AKAP13: variants seen among roughly 807,000 people sequenced by gnomAD.
The protein encoded by AKAP13 is A-kinase anchoring protein 13.
Under a neutral mutation model 264.5 loss-of-function variants are expected in AKAP13, and 80 were observed. The ratio of observed to expected loss-of-function variants is 0.30; its 90% CI spans 0.25 to 0.36. AKAP13 has a LOEUF of 0.36. Ranked by LOEUF, AKAP13 falls within the 10% of genes least tolerant of loss-of-function variation. The probability of loss-of-function intolerance (pLI) is 1.00; values close to 1 mark genes in which losing one functional copy is unlikely to be tolerated. For synonymous variants in AKAP13, 1,380 were observed against 1,250.2 expected (o/e 1.10, Z -2.19); for missense variants, 3,712 against 3,435.2 (o/e 1.08, Z -2.01).
At chr15:85,571,393 A>G (rs954420106) in intron 5 of AKAP13, among the ~76,000 whole-genome samples, 3 of 152,160 alleles carry the variant, frequency 2.0e-5, no homozygotes, top group Admixed American at 6.5e-5. Flanking sequence ...TAATTTACCA[A>G]TCAGCGCTTC....
At chr15:85,650,777 A>AAAAAAAC (rs2082783462) in intron 10 of AKAP13, among the ~76,000 whole-genome samples, 1 of 143,552 alleles carries the variant, frequency 7.0e-6, no homozygotes, top group Non-Finnish European at 1.5e-5. Context: ...AAAAAAAAAA[A>AAAAAAAC]AAAAAAAAAA....
At chr15:85,649,867 C>T (rs984835399) in intron 10 of AKAP13, among the ~76,000 whole-genome samples, 9 of 152,182 alleles carry the variant, frequency 5.9e-5, no homozygotes, top group Non-Finnish European at 4.4e-5. Flanking sequence ...GGCCACTCTA[C>T]TATCCAAAAG....
chr15:85,619,273 G>C (rs1378012970), intron 8 of AKAP13: 1 of 706,268 alleles, frequency 1.4e-6, no homozygotes, highest in Non-Finnish European at 1.7e-6. Flanking sequence ...CCAAGGCTGC[G>C]GGTGCGGAGC....
chr15:85,742,378 T>C (rs1445952289), intron 35 of AKAP13, among the ~76,000 whole-genome samples: 2 of 152,194 alleles, frequency 1.3e-5, no homozygotes, highest in Non-Finnish European at 2.9e-5. Context: ...GAACATGTGG[T>C]GCCTGTGGTC....
chr15:85,567,640 C>G (rs887491888), intron 5 of AKAP13, among the ~76,000 whole-genome samples: 1 of 152,170 alleles, frequency 6.6e-6, no homozygotes, highest in Non-Finnish European at 1.5e-5. Context: ...TCCATTCCCA[C>G]ATTCCTCTTC....
chr15:85,588,134 C>T (rs1205271427), intron 8 of AKAP13, among the ~76,000 whole-genome samples: 2 of 152,142 alleles, frequency 1.3e-5, no homozygotes, highest in Non-Finnish European at 1.5e-5. Context: ...CTTCAGAGGA[C>T]TAAGTGGTAT....
At chr15:85,568,008 C>T (rs1301080460) in intron 5 of AKAP13, among the ~76,000 whole-genome samples, 7 of 150,450 alleles carry the variant, frequency 4.7e-5, no homozygotes, top group Middle Eastern at 6.9e-3. Context: ...AGAGACCAGG[C>T]GCAGTGGCTC....
chr15:85,560,733 G>A (rs970785603), intron 5 of AKAP13, among the ~76,000 whole-genome samples: 2 of 152,046 alleles, frequency 1.3e-5, no homozygotes, highest in Non-Finnish European at 2.9e-5. Context: ...AAACTAGTGA[G>A]TGCTAGAGTG....
rs764901848 is a variant in AKAP13, at chr15:85,533,858, G to A, written c.456G>A (p.Leu152=). 6.2e-7 allele frequency: 1 copy of A among 1,604,938 alleles called. No individual in the cohort carries two copies. Among genetic ancestry groups the A allele is most frequent in the Non-Finnish European group, 8.5e-7 (1 of 1,175,046 alleles). Residue 152 remains leucine (L), a synonymous_variant, in exon 4 of 37, where the codon TTG becomes TTA. Transcript: ENST00000394518. ...AGCTGCCCACGGAGTGGAATGTATT[G>A]GGGACAGATCAGAGTTTGCATGGTG... ...HLKLPTEWNV[L]GTDQSLHDAG...
chr15:85,494,932 T>C (rs1406453952), intron 2 of AKAP13, among the ~76,000 whole-genome samples: 1 of 152,098 alleles, frequency 6.6e-6, no homozygotes, highest in Non-Finnish European at 1.5e-5. Context: ...ATTGTGCTCC[T>C]TTCTTGGTGG....
intron 2 of AKAP13, among the ~76,000 whole-genome samples, chr15:85,496,103 A>C (rs1171967467): frequency 1.3e-5 from 2 of 152,202 alleles, no homozygotes; most frequent in African/African-American, 2.4e-5. Flanking sequence ...ATGACAATAG[A>C]CATATAGGGT....
intron 15 of AKAP13, 38 bp downstream of exon 15, chr15:85,682,250 A>G (rs2084640655): frequency 5.0e-6 from 8 of 1,595,302 alleles, no homozygotes; most frequent in South Asian, 1.1e-5. Context: ...CAGAAATAAA[A>G]TGAAGAAAAT....
At position 85,736,070 on chromosome 15, in the gene AKAP13, G is replaced by T; in HGVS notation, c.7513-20G>T. The T allele has an allele frequency of 1.3e-6, 2 of 1,563,764 alleles. No individual in the cohort carries two copies. The highest frequency in any genetic ancestry group is 3.4e-5 in the Admixed American group (2 of 59,564). ...CATCAAGATCTTCATTTTTTTATATGTATGTTTTTTGTTTTATAGGGTGGA... is the reference window on the plus strand; with the variant it reads ...CATCAAGATCTTCATTTTTTTATATTTATGTTTTTTGTTTTATAGGGTGGA... On this transcript the variant is annotated intron_variant, in intron 32 of 36. Transcript: ENST00000394518.
chr15:85,381,625 G>T (rs1033429028), intron 1 of AKAP13: 1 of 146,928 alleles, frequency 6.8e-6, no homozygotes, highest in African/African-American at 2.5e-5. Context: ...GGGTAGATAG[G>T]TTTGTTTTGT....
intron 14 of AKAP13, among the ~76,000 whole-genome samples, chr15:85,677,578 C>G (rs1326970114): frequency 1.3e-5 from 2 of 151,176 alleles, no homozygotes; most frequent in Non-Finnish European, 1.5e-5. Flanking sequence ...TTAAAAATAC[C>G]TTTCCTTTAA....
At chr15:85,616,863 C>CT (rs1303466048) in intron 8 of AKAP13, among the ~76,000 whole-genome samples, 6 of 152,176 alleles carry the variant, frequency 3.9e-5, no homozygotes, top group Non-Finnish European at 7.3e-5. Flanking sequence ...AACACAGACT[C>CT]TTTTTTCCAC....
chr15:85,698,535 G>C (rs928632804), intron 17 of AKAP13, among the ~76,000 whole-genome samples: 3 of 151,544 alleles, frequency 2.0e-5, no homozygotes, highest in Admixed American at 2.0e-4. Context: ...TTCTGCAAAG[G>C]AACCAATGGT....
intron 10 of AKAP13, among the ~76,000 whole-genome samples, chr15:85,648,640 T>C (rs2082667602): frequency 6.6e-6 from 1 of 152,004 alleles, no homozygotes; most frequent in South Asian, 2.1e-4. Flanking sequence ...GAGTTTGAGA[T>C]CAGCCTGGGC....
At chr15:85,690,592 TA>T (rs1416092882) in intron 16 of AKAP13, among the ~76,000 whole-genome samples, 1 of 152,234 alleles carries the variant, frequency 6.6e-6, no homozygotes, top group East Asian at 1.9e-4. Flanking sequence ...AGATGTTCAT[TA>T]TATGTATTTG....
Sources: allele counts gnomAD v4.1 joint callset (sites outside exome capture counted in the v4.1 genomes callset), GRCh38; gene constraint gnomAD v4.1.1; transcripts MANE v1.5; gene names NCBI Gene and HGNC (gene_info 2026-07-23, HGNC 2026-07-21).